The following SHROOM3 variants were observed in gnomAD, a reference collection of about 807,000 sequenced individuals.
SHROOM3 encodes the protein shroom family member 3, also known as protein Shroom3.
A neutral mutation model predicts 138.6 loss-of-function variants in SHROOM3; 47 were observed. That is an observed-to-expected ratio of 0.34 (90% CI 0.27 to 0.43). The LOEUF (loss-of-function observed/expected upper bound fraction) is 0.43, where lower values mean the gene tolerates loss of function less well. Among genes scored for constraint, SHROOM3 ranks in the 20% least tolerant of loss-of-function variants. The probability of loss-of-function intolerance (pLI) is 1.00; values close to 1 mark genes in which losing one functional copy is unlikely to be tolerated. For synonymous variants in SHROOM3, 1,062 were observed against 1,063.3 expected (o/e 1.00, Z 0.02); for missense variants, 2,491 against 2,596.5 (o/e 0.96, Z 0.88).
chr4:76,447,280 C>T (rs945070831), intron 1 of SHROOM3, among the ~76,000 whole-genome samples: 1 of 152,152 alleles, frequency 6.6e-6, no homozygotes, highest in Non-Finnish European at 1.5e-5. Context: ...TAAAGTGTAT[C>T]CTGAGCCACA....
In SHROOM3 at chr4:76,551,825, C is replaced by T. The variant is rs963221395; in HGVS notation, c.169-3784C>T. 1.1e-4 allele frequency among the ~76,000 whole-genome samples: 16 copies of T among 151,860 alleles called. No homozygotes were observed. In the South Asian group the frequency reaches 3.3e-3, roughly 32 times the overall value. ...ACTTTACATTTATATATTATTTTGT[C>T]CACTTGATTATCTGAAAATGGGAAA... On this transcript the variant is annotated intron_variant, in intron 1 of 10. Coordinates refer to ENST00000296043, the MANE Select transcript of SHROOM3 (RefSeq NM_020859.4).
intron 2 of SHROOM3, among the ~76,000 whole-genome samples, chr4:76,643,017 A>C (rs1345128560): frequency 6.6e-6 from 1 of 151,876 alleles, no homozygotes; most frequent in African/African-American, 2.4e-5. Flanking sequence ...GACCAGCCTG[A>C]CCAACATGAA....
At chr4:76,650,094 C>A (rs1480398885) in intron 2 of SHROOM3, among the ~76,000 whole-genome samples, 1 of 152,110 alleles carries the variant, frequency 6.6e-6, no homozygotes, top group Non-Finnish European at 1.5e-5. Context: ...AATGTCTCTA[C>A]TTATAATGAT....
At chr4:76,747,132 A>G (rs191434494) in intron 5 of SHROOM3, among the ~76,000 whole-genome samples, 3 of 152,342 alleles carry the variant, frequency 2.0e-5, no homozygotes, top group Non-Finnish European at 4.4e-5. Context: ...TACATTATTA[A>G]GTATGCTAAG....
chr4:76,457,769 C>T (rs796798163), intron 1 of SHROOM3, among the ~76,000 whole-genome samples: 19 of 150,978 alleles, frequency 1.3e-4, no homozygotes, highest in African/African-American at 4.6e-4. Context: ...GGATAACAGG[C>T]GTGAGCCACC....
intron 2 of SHROOM3, among the ~76,000 whole-genome samples, chr4:76,666,656 C>A (rs1398046379): frequency 5.3e-5 from 8 of 152,074 alleles, no homozygotes; most frequent in African/African-American, 1.9e-4. Context: ...TAGTGCAAAC[C>A]AAAACGAGAA....
intron 2 of SHROOM3, among the ~76,000 whole-genome samples, chr4:76,691,762 T>C (rs1018228767): frequency 6.6e-6 from 1 of 152,244 alleles, no homozygotes; most frequent in African/African-American, 2.4e-5. Context: ...GTGTTAAATC[T>C]GGTTACATTT....
intron 4 of SHROOM3, among the ~76,000 whole-genome samples, chr4:76,735,889 ATATATATATATATATT>A (rs1560606350): frequency 3.1e-5 from 3 of 97,340 alleles, no homozygotes; most frequent in Non-Finnish European, 6.7e-5. Flanking sequence ...ATATATATAT[ATATATATATATATATT>A]TTAGTGATGG....
intron 2 of SHROOM3, chr4:76,644,365 T>C (rs1245222735): frequency 6.6e-6 from 1 of 151,516 alleles, no homozygotes; most frequent in Non-Finnish European, 1.5e-5. Context: ...TTCTCCTGCC[T>C]CAGCCTCCCG....
intron 2 of SHROOM3, among the ~76,000 whole-genome samples, chr4:76,577,845 T>C (rs546711274): frequency 3.3e-5 from 5 of 152,306 alleles, no homozygotes; most frequent in Admixed American, 3.3e-4. Context: ...CAAAACTATA[T>C]TCATATAAGA....
chr4:76,699,701 T>C (rs1023805470), intron 2 of SHROOM3, among the ~76,000 whole-genome samples: 2 of 152,184 alleles, frequency 1.3e-5, no homozygotes, highest in Admixed American at 1.3e-4. Context: ...ATGTTCTCTT[T>C]CTTGCTCCTT....
At chr4:76,464,309 A>G (rs561939901) in intron 1 of SHROOM3, among the ~76,000 whole-genome samples, 27 of 152,218 alleles carry the variant, frequency 1.8e-4, no homozygotes, top group Non-Finnish European at 3.7e-4. Flanking sequence ...TCGCACTTGC[A>G]TGGGACCTGT....
chr4:76,572,025 C>A (rs887230197), intron 2 of SHROOM3, among the ~76,000 whole-genome samples: 1 of 152,160 alleles, frequency 6.6e-6, no homozygotes, highest in African/African-American at 2.4e-5. Context: ...ACTGCGCCCC[C>A]CAGCCCAATC....
intron 2 of SHROOM3, among the ~76,000 whole-genome samples, chr4:76,632,887 C>T (rs181567200): frequency 9.2e-5 from 14 of 152,246 alleles, no homozygotes; most frequent in Non-Finnish European, 1.8e-4. Flanking sequence ...CTGTTTCCTG[C>T]AGCTCTACCC....
intron 2 of SHROOM3, chr4:76,628,752 CAAAGT>C (rs1350973894): frequency 6.6e-6 from 1 of 151,574 alleles, no homozygotes. Flanking sequence ...TTATAAGTAT[CAAAGT>C]AAAGAAATAA....
chr4:76,725,624 C>CCTCCCTCACTT (rs1720682522), intron 3 of SHROOM3, among the ~76,000 whole-genome samples: 1 of 152,100 alleles, frequency 6.6e-6, no homozygotes, highest in Non-Finnish European at 1.5e-5. Context: ...CCGTGTGTCA[C>CCTCCCTCACTT]CTCCCTCACT....
At chr4:76,459,413 A>T (rs1731097544) in intron 1 of SHROOM3, among the ~76,000 whole-genome samples, 1 of 152,288 alleles carries the variant, frequency 6.6e-6, no homozygotes, top group South Asian at 2.1e-4. Context: ...CTCTTGTCAT[A>T]GTCTGAAGAC....
chr4:76,757,052 A>G (rs2110145787), intron 8 of SHROOM3, 115 bp downstream of exon 8: 1 of 1,534,682 alleles, frequency 6.5e-7, no homozygotes, highest in Non-Finnish European at 8.9e-7. Flanking sequence ...CTCCTGAACC[A>G]AGAGTGACAT....
chr4:76,666,429 C>T (rs1238459426), intron 2 of SHROOM3, among the ~76,000 whole-genome samples: 1 of 152,110 alleles, frequency 6.6e-6, no homozygotes, highest in East Asian at 1.9e-4. Context: ...CCATTATGCC[C>T]AACCAATTTT....
Sources: gnomAD v4.1 joint callset for allele counts (sites outside exome capture counted in the v4.1 genomes callset) on GRCh38, gnomAD v4.1.1 for gene constraint, MANE v1.5 for transcripts, NCBI Gene and HGNC (gene_info 2026-07-23, HGNC 2026-07-21) for gene names.